TMEM222: variants seen among roughly 807,000 people sequenced by gnomAD.
The protein encoded by TMEM222 is chromosome 1 open reading frame 160.
In TMEM222, 18 loss-of-function variants were observed where a neutral mutation model predicts 25.1. That is an observed-to-expected ratio of 0.72 (90% confidence interval 0.50 to 1.06). The LOEUF (loss-of-function observed/expected upper bound fraction) is 1.06. Ranked by LOEUF, TMEM222 falls within the 50% of genes least tolerant of loss-of-function variation. The pLI is 0.00. For missense variants in TMEM222, 296 were observed against 293.7 expected, an observed-to-expected ratio of 1.01 and a Z score of -0.06; for synonymous variants, 131 against 117.9, an observed-to-expected ratio of 1.11 and a Z score of -0.72.
At position 27,334,327 on chromosome 1, in the gene TMEM222, G is replaced by A. The variant is rs749668437; in HGVS notation, c.539+46G>A. The A allele has an allele frequency of 3.7e-6, 6 of 1,611,860 alleles. No individual in the cohort carries two copies. In the South Asian group the frequency reaches 5.5e-5, roughly 15 times the overall value. ...CCCACCCACACACTGCCCAGAGGCT[G>A]CTCTCCCAAGGATCCTAGAAAGACC... On this transcript the variant is annotated intron_variant, in intron 5 of 5. Coordinates refer to ENST00000374076, the MANE Select transcript of TMEM222 (RefSeq NM_032125.3).
chr1:27,330,677 A>G (rs774056546), intron 1 of TMEM222, 43 bp from the exon 2 acceptor site: 2 of 1,552,078 alleles, frequency 1.3e-6, no homozygotes. Flanking sequence ...ACTGGCTGAA[A>G]GATCCCCTAA....
intron 1 of TMEM222, chr1:27,325,459 C>G: frequency 7.4e-7 from 1 of 1,355,560 alleles, no homozygotes; most frequent in Non-Finnish European, 1.1e-6. Context: ...CTGTTCCAGC[C>G]TTCCTTCCTG....
chr1:27,330,648 G>T (rs767742882), intron 1 of TMEM222, 72 bp from the exon 2 acceptor site: 49 of 1,259,490 alleles, frequency 3.9e-5, no homozygotes, highest in Non-Finnish European at 5.1e-5. Context: ...CTGTATGAAG[G>T]GTCCCCAGCG....
chr1:27,333,925 A>C, intron 3 of TMEM222, 33 bp from the exon 4 acceptor site: 1 of 1,598,950 alleles, frequency 6.3e-7, no homozygotes, highest in Non-Finnish European at 8.6e-7. Flanking sequence ...CAAAGGAGCC[A>C]AGCAAGTGTC....
Position 27,335,684 on chromosome 1 carries a change from G to T in TMEM222, c.*218G>T. On this transcript the variant is annotated 3_prime_UTR_variant, in exon 6 of 6. Transcript: ENST00000374076. The stretch of plus-strand genomic sequence containing the variant: ...GAAGCACCCTGTCCCCTCCTCCCCA[G>T]GCCTGTGACTCCGGCCCTGGAAGCC... The T allele has an allele frequency of 1.7e-6, 1 of 587,398 alleles. No homozygotes were observed. Among genetic ancestry groups the T allele is most frequent in the Non-Finnish European group, 3.0e-6 (1 of 328,730 alleles). The allele number at this position is 587,398 out of a possible 1,614,324, so 36.4% of individuals were successfully genotyped here.
rs76956596 is a variant in TMEM222 at position 27,335,163 on chromosome 1, G to A, written c.540-216G>A. Reference sequence around the variant, plus strand: ...GGTGTCAGTAAATCACCAGGAGCGCGGAGCAGCCCCTGCCCGGGACCATAG... The same window carrying A: ...GGTGTCAGTAAATCACCAGGAGCGCAGAGCAGCCCCTGCCCGGGACCATAG... On this transcript the variant is annotated intron_variant, in intron 5 of 5. Transcript: ENST00000374076. 5.3e-4 allele frequency: 309 copies of A among 587,252 alleles called. 2 individuals are homozygous for A. The East Asian group carries it at 7.5e-3, about 14-fold the overall frequency. The allele number at this position is 587,252 out of a possible 1,614,324, so 36.4% of individuals were successfully genotyped here.
chr1:27,330,415 A>G (rs2014451886), intron 1 of TMEM222, among the ~76,000 whole-genome samples: 1 of 151,258 alleles, frequency 6.6e-6, no homozygotes. Context: ...AAAAAGGTAG[A>G]AACAGTTTAT....
intron 3 of TMEM222, chr1:27,333,424 C>A (rs1455129512): frequency 2.1e-6 from 1 of 470,868 alleles, no homozygotes; most frequent in Non-Finnish European, 4.4e-6. Flanking sequence ...ATAACAAAAT[C>A]TCATCAATTG....
At position 27,333,978 on chromosome 1, in the gene TMEM222, C is replaced by G; in HGVS notation, c.332C>G (p.Ala111Gly). ...KPAKYWKLDP[A>G]QVYASGPNAW... ...CCCAGGTACTGGAAGTTGGACCCTGCTCAGGTCTATGCTAGCGGGCCCAAC... is the reference window on the plus strand; with the variant it reads ...CCCAGGTACTGGAAGTTGGACCCTGGTCAGGTCTATGCTAGCGGGCCCAAC... The change falls in exon 4 of 6, where the codon GCT becomes GGT. Residue 111 changes from alanine to glycine, a missense_variant. Coordinates refer to ENST00000374076, the MANE Select transcript of TMEM222 (RefSeq NM_032125.3). The G allele has an allele frequency of 6.2e-7, 1 of 1,614,140 alleles. No individual in the cohort carries two copies. The highest frequency in any genetic ancestry group is 8.5e-7 in the Non-Finnish European group (1 of 1,179,992).
At chr1:27,332,351 A>G (rs1305529035) in intron 3 of TMEM222, 1 of 714,874 alleles carries the variant, frequency 1.4e-6, no homozygotes. Flanking sequence ...TGTATTTTCA[A>G]CTCCATGGCA....
chr1:27,334,740 C>T (rs6690931), intron 5 of TMEM222: 40,694 of 1,258,228 alleles, frequency 0.032, 786 homozygotes, highest in Middle Eastern at 0.045. Context: ...AGCCCAGACT[C>T]GTGAGCCAGC....
intron 3 of TMEM222, chr1:27,333,140 C>G (rs1233885986): frequency 8.3e-6 from 3 of 359,560 alleles, no homozygotes; most frequent in Non-Finnish European, 1.7e-5. Flanking sequence ...TGGGTAAACT[C>G]CCCGCGTGAT....
At chr1:27,331,699 C>T (rs2014482647) in intron 2 of TMEM222, among the ~76,000 whole-genome samples, 1 of 152,260 alleles carries the variant, frequency 6.6e-6, no homozygotes, top group Non-Finnish European at 1.5e-5. Context: ...GAGGCCAGAC[C>T]ATGATGGAAA....
chr1:27,327,357 A>G (rs2014375441), intron 1 of TMEM222, among the ~76,000 whole-genome samples: 1 of 152,032 alleles, frequency 6.6e-6, no homozygotes, highest in Non-Finnish European at 1.5e-5. Context: ...GCATGACTTC[A>G]CTGTTGGCGT....
chr1:27,330,802 T>C lies in TMEM222; in HGVS notation c.277T>C (p.Ser93Pro). 1 of 1,614,118 alleles carries C rather than the reference T, an allele frequency of 6.2e-7. No homozygotes were observed. Among genetic ancestry groups the C allele is most frequent in the Non-Finnish European group, 8.5e-7 (1 of 1,180,006 alleles). Reference sequence around the variant, plus strand: ...GGACTTCGCGGGCCCCTACTTTGTCTCAGTGAGTCCCCATTCTGCCCACCC... The same window carrying C: ...GGACTTCGCGGGCCCCTACTTTGTCCCAGTGAGTCCCCATTCTGCCCACCC... ...IRDFAGPYFVSEDNMAFGKPA... is the reference protein window; with the variant it reads ...IRDFAGPYFVPEDNMAFGKPA... The change falls in exon 2 of 6, where the codon TCA becomes CCA. Residue 93 changes from serine (S) to proline (P), a missense_variant and splice_region_variant. By Grantham distance (74) the Ser-to-Pro change is moderately conservative. Coordinates refer to ENST00000374076, the MANE Select transcript of TMEM222 (RefSeq NM_032125.3).
Position 27,330,741 on chromosome 1 carries a change from C to G in TMEM222, c.216C>G (p.Gly72=), listed in dbSNP as rs2014458753. Reference sequence around the variant, plus strand: ...ACAGGTGGTTTTTCCCCATCATCGGCCACATGGGCATCTGCACATCCACAG... The same window carrying G: ...ACAGGTGGTTTTTCCCCATCATCGGGCACATGGGCATCTGCACATCCACAG... ...PVLTWFFPII[G]HMGICTSTGV... The change falls in exon 2 of 6, where the codon GGC becomes GGG. Residue 72 remains glycine, a synonymous_variant. Coordinates refer to ENST00000374076, the MANE Select transcript of TMEM222 (RefSeq NM_032125.3). 1.2e-6 allele frequency: 2 copies of G among 1,614,128 alleles called. No homozygotes were observed. Among genetic ancestry groups the G allele is most frequent in the Non-Finnish European group, 1.7e-6 (2 of 1,180,044 alleles).
Position 27,335,535 on chromosome 1 carries a change from T to C in TMEM222, c.*69T>C, listed in dbSNP as rs1484034178. 2.0e-6 allele frequency: 3 copies of C among 1,524,648 alleles called. No individual in the cohort carries two copies. The highest frequency in any genetic ancestry group is 1.7e-5 in the Admixed American group (1 of 58,586). The allele number at this position is 1,524,648 out of a possible 1,614,324, so 94.4% of individuals were successfully genotyped here. A position where few individuals can be genotyped will look rare whatever the true frequency, so the allele number is the denominator to read the frequency against. ...AGCCGCCATCCCTTTTGGTTCCAGA[T>C]TTTTTTCTCCTCACCCCAAAAGGCA... On this transcript the variant is annotated 3_prime_UTR_variant, in exon 6 of 6. Transcript: ENST00000374076.
chr1:27,333,537 G>T, intron 3 of TMEM222: 1 of 451,248 alleles, frequency 2.2e-6, no homozygotes. Context: ...GGCCTGAGGT[G>T]CCTTTCCACT....
chr1:27,325,688 G>A, intron 1 of TMEM222: 1 of 835,242 alleles, frequency 1.2e-6, no homozygotes, highest in South Asian at 1.3e-5. Context: ...ACTCTGTGTG[G>A]ATCAGCGGCT....
Sources: gnomAD v4.1 joint callset for allele counts (sites outside exome capture counted in the v4.1 genomes callset) on GRCh38, gnomAD v4.1.1 for gene constraint, MANE v1.5 for transcripts, NCBI Gene and HGNC (gene_info 2026-07-23, HGNC 2026-07-21) for gene names.